The following SCFD2 variants were observed in gnomAD, a reference collection of about 807,000 sequenced individuals.
SCFD2 encodes the protein sec1 family domain-containing protein 2.
In SCFD2, 54 loss-of-function variants were observed where a neutral mutation model predicts 58.9. That is an observed-to-expected ratio of 0.92 (90% CI 0.74 to 1.15). The LOEUF is 1.15. Among genes scored for constraint, SCFD2 ranks in the 50% most tolerant of loss-of-function variants. The probability of loss-of-function intolerance (pLI) is 0.00; values close to 1 mark genes in which losing one functional copy is unlikely to be tolerated. For missense variants in SCFD2, 805 were observed against 836.6 expected, an observed-to-expected ratio of 0.96 and a Z score of 0.47; for synonymous variants, 321 against 335.9, an observed-to-expected ratio of 0.96 and a Z score of 0.49.
intron 8 of SCFD2, among the ~76,000 whole-genome samples, chr4:52,879,992 G>A (rs1718569474): frequency 6.6e-6 from 1 of 152,164 alleles, no homozygotes; most frequent in Non-Finnish European, 1.5e-5. Context: ...TATTCATGCT[G>A]TATAGGCACA....
At chr4:52,929,294 T>A (rs1343369411) in intron 5 of SCFD2, among the ~76,000 whole-genome samples, 1 of 152,178 alleles carries the variant, frequency 6.6e-6, no homozygotes, top group African/African-American at 2.4e-5. Context: ...TATAAGTATG[T>A]TTAATACCAC....
intron 4 of SCFD2, among the ~76,000 whole-genome samples, chr4:53,271,575 G>GCCTCA (rs929671347): frequency 2.0e-5 from 3 of 151,830 alleles, no homozygotes; most frequent in Non-Finnish European, 4.4e-5. Flanking sequence ...AAATTCTCCT[G>GCCTCA]CCTCAGCCTC....
At chr4:53,301,188 T>C (rs574427558) in intron 3 of SCFD2, among the ~76,000 whole-genome samples, 1 of 151,698 alleles carries the variant, frequency 6.6e-6, no homozygotes, top group African/African-American at 2.4e-5. Flanking sequence ...ATCAACAAAA[T>C]TGATAGACCG....
intron 4 of SCFD2, among the ~76,000 whole-genome samples, chr4:53,210,923 G>T (rs1024158178): frequency 1.2e-4 from 19 of 152,030 alleles, no homozygotes; most frequent in Admixed American, 5.9e-4. Context: ...CTGAGGGAAG[G>T]AATGCTGCCC....
intron 7 of SCFD2, among the ~76,000 whole-genome samples, chr4:52,896,562 A>T (rs1577806704): frequency 6.6e-6 from 1 of 152,300 alleles, no homozygotes; most frequent in South Asian, 2.1e-4. Context: ...TGGTTACTGT[A>T]GCCTTGTAGT....
At chr4:53,212,480 A>AAATAAATT in intron 4 of SCFD2, among the ~76,000 whole-genome samples, 1 of 150,522 alleles carries the variant, frequency 6.6e-6, no homozygotes, top group East Asian at 1.9e-4. Flanking sequence ...AAAAATAAAT[A>AAATAAATT]AATAATAATA....
chr4:53,339,601 C>A (rs2149143985), intron 2 of SCFD2, among the ~76,000 whole-genome samples: 1 of 151,926 alleles, frequency 6.6e-6, no homozygotes, highest in South Asian at 2.1e-4. Flanking sequence ...GAAACCTGTC[C>A]CTACTAAAAA....
intron 4 of SCFD2, among the ~76,000 whole-genome samples, chr4:53,250,960 G>T (rs186672868): frequency 1.3e-5 from 2 of 152,104 alleles, no homozygotes; most frequent in African/African-American, 2.4e-5. Context: ...CCAGGAGCTG[G>T]TTTTTTGAAA....
At chr4:53,178,698 T>TC (rs1455552331) in intron 4 of SCFD2, among the ~76,000 whole-genome samples, 1 of 151,972 alleles carries the variant, frequency 6.6e-6, no homozygotes, top group Non-Finnish European at 1.5e-5. Flanking sequence ...ATCAAACTAC[T>TC]CCGAGCTACA....
intron 5 of SCFD2, among the ~76,000 whole-genome samples, chr4:53,065,062 A>C (rs1723618562): frequency 6.6e-6 from 1 of 152,096 alleles, no homozygotes; most frequent in Non-Finnish European, 1.5e-5. Flanking sequence ...AAGGCAAAAA[A>C]ATTTAATCAG....
Position 52,981,926 on chromosome 4 carries a change from T to A in SCFD2, c.1562-61056A>T, listed in dbSNP as rs566639955. Among the ~76,000 whole-genome samples the A allele has an allele frequency of 2.4e-4, 37 of 152,244 alleles. No individual in the cohort carries two copies. In the South Asian group the frequency reaches 7.3e-3, roughly 30 times the overall value. ...GTTCTTACAGTGTGCAGACATGTGA[T>A]GATGGGGGCCCAGGTGAGAATGTGA... On this transcript the variant is annotated intron_variant, in intron 5 of 8. Transcript: ENST00000401642.
At chr4:53,034,353 C>G (rs1722702275) in intron 5 of SCFD2, among the ~76,000 whole-genome samples, 1 of 152,050 alleles carries the variant, frequency 6.6e-6, no homozygotes, top group South Asian at 2.1e-4. Context: ...TATGACAAAC[C>G]CACAACCAAT....
At chr4:53,358,427 C>A (rs1003132784) in intron 1 of SCFD2, among the ~76,000 whole-genome samples, 1 of 151,890 alleles carries the variant, frequency 6.6e-6, no homozygotes, top group Non-Finnish European at 1.5e-5. Flanking sequence ...GGCTTTCCTG[C>A]CTGTAATTCC....
At chr4:53,235,383 T>G (rs531905966) in intron 4 of SCFD2, among the ~76,000 whole-genome samples, 8 of 152,350 alleles carry the variant, frequency 5.3e-5, no homozygotes, top group African/African-American at 1.9e-4. Flanking sequence ...GTAAATTCCA[T>G]GTTTATAACA....
At chr4:53,248,344 G>A (rs566231766) in intron 4 of SCFD2, among the ~76,000 whole-genome samples, 13 of 152,342 alleles carry the variant, frequency 8.5e-5, no homozygotes, top group African/African-American at 2.9e-4. Flanking sequence ...CGAGGATGGG[G>A]GAGGGGCGCC....
In SCFD2 at chr4:53,365,366, C is replaced by T; in HGVS notation, c.576G>A (p.Pro192=). The T allele has an allele frequency of 3.1e-6, 5 of 1,614,144 alleles. No homozygotes were observed. Among genetic ancestry groups the T allele is most frequent in the East Asian group, 2.2e-5 (1 of 44,876 alleles). Residue 192 remains proline, a synonymous_variant, in exon 1 of 9, where the codon CCG becomes CCA. Coordinates refer to ENST00000401642, the MANE Select transcript of SCFD2 (RefSeq NM_152540.4). The surrounding 1 kb of genome is among the most constrained non-coding windows in gnomAD (Gnocchi z 4.3). ...QDVHLLNSAR[P]DKRKLGSLGD... ...CCAGGCTTCCCAGCTTCCTCTTGTC[C>T]GGTCGGGCGCTATTAAGGAGGTGCA...
intron 5 of SCFD2, among the ~76,000 whole-genome samples, chr4:53,056,972 C>T (rs888800619): frequency 6.6e-6 from 1 of 152,086 alleles, no homozygotes. Context: ...CACTTGAGGT[C>T]AGGAGTTGGA....
intron 4 of SCFD2, among the ~76,000 whole-genome samples, chr4:53,248,534 T>C (rs998708164): frequency 6.6e-6 from 1 of 152,162 alleles, no homozygotes; most frequent in African/African-American, 2.4e-5. Context: ...TCTGACAGCT[T>C]TGAAGAGAGC....
chr4:53,188,463 GT>G (rs71197005), intron 4 of SCFD2, among the ~76,000 whole-genome samples: 2 of 134,254 alleles, frequency 1.5e-5, no homozygotes, highest in African/African-American at 5.5e-5. Context: ...GTGTGTGTGT[GT>G]TTAGTGGCTT....
Sources: allele counts gnomAD v4.1 joint callset (sites outside exome capture counted in the v4.1 genomes callset), GRCh38; gene constraint gnomAD v4.1.1; non-coding constraint Gnocchi (gnomAD v3.1); transcripts MANE v1.5; gene names NCBI Gene and HGNC (gene_info 2026-07-23, HGNC 2026-07-21).